Variants in SLC14A2 observed in about 807,000 individuals in gnomAD.
The protein encoded by SLC14A2 is solute carrier family 14 member 2.
A neutral mutation model predicts 104.6 loss-of-function variants in SLC14A2; 91 were observed. That is an observed-to-expected ratio of 0.87 (90% CI 0.73 to 1.04). The LOEUF (loss-of-function observed/expected upper bound fraction) is 1.04, where lower values mean the gene tolerates loss of function less well. SLC14A2 is among the 50% of genes least tolerant of loss of function. The pLI is 0.00. For synonymous variants in SLC14A2, 476 were observed against 466.4 expected, an observed-to-expected ratio of 1.02 and a Z score of -0.27; for missense variants, 1,189 against 1,156.0, an observed-to-expected ratio of 1.03 and a Z score of -0.41.
chr18:45,545,940 C>T (rs570940753), intron 2 of SLC14A2, among the ~76,000 whole-genome samples: 38 of 152,218 alleles, frequency 2.5e-4, no homozygotes, highest in African/African-American at 8.9e-4. Context: ...CGTTTATTTG[C>T]ACTCATATAC....
intron 1 of SLC14A2, among the ~76,000 whole-genome samples, chr18:45,334,069 G>A (rs550087249): frequency 6.6e-6 from 1 of 152,300 alleles, no homozygotes; most frequent in Admixed American, 6.5e-5. Flanking sequence ...TATTTGTTCA[G>A]CATCCTATTC....
intron 1 of SLC14A2, among the ~76,000 whole-genome samples, chr18:45,248,072 G>T (rs2084384673): frequency 6.6e-6 from 1 of 152,110 alleles, no homozygotes; most frequent in East Asian, 1.9e-4. Context: ...GAGAGTATAT[G>T]TCAATAATCC....
chr18:45,358,880 T>C (rs1381610496), intron 1 of SLC14A2, among the ~76,000 whole-genome samples: 2 of 152,164 alleles, frequency 1.3e-5, no homozygotes, highest in South Asian at 2.1e-4. Context: ...GCCCAGCCTC[T>C]TTCCCCACAA....
intron 1 of SLC14A2, among the ~76,000 whole-genome samples, chr18:45,367,949 T>C (rs1190162960): frequency 2.0e-5 from 3 of 152,198 alleles, no homozygotes; most frequent in Admixed American, 1.3e-4. Flanking sequence ...CAAAGGCAAA[T>C]CTTGAGCTCA....
At chr18:45,289,646 C>T (rs1417357688) in intron 1 of SLC14A2, among the ~76,000 whole-genome samples, 1 of 152,150 alleles carries the variant, frequency 6.6e-6, no homozygotes, top group African/African-American at 2.4e-5. Context: ...ACTCCTTTGG[C>T]ATCCTATGTG....
At chr18:45,637,293 C>G (rs1207812986) in intron 6 of SLC14A2, 111 bp downstream of exon 6, 1 of 808,546 alleles carries the variant, frequency 1.2e-6, no homozygotes, top group African/African-American at 1.7e-5. Context: ...ACATCTATAC[C>G]AGATGATGGG....
chr18:45,442,822 G>T (rs2086701399), intron 1 of SLC14A2, among the ~76,000 whole-genome samples: 1 of 152,118 alleles, frequency 6.6e-6, no homozygotes, highest in Non-Finnish European at 1.5e-5. Flanking sequence ...ATTTGCTAAA[G>T]ATTTATCTTT....
intron 1 of SLC14A2, among the ~76,000 whole-genome samples, chr18:45,261,555 C>T (rs1339981200): frequency 1.3e-5 from 2 of 151,678 alleles, no homozygotes; most frequent in African/African-American, 2.4e-5. Context: ...CTATCCCTCC[C>T]CTCTCCCCCA....
At chr18:45,592,709 C>T (rs1029446262) in intron 2 of SLC14A2, among the ~76,000 whole-genome samples, 9 of 152,224 alleles carry the variant, frequency 5.9e-5, no homozygotes, top group African/African-American at 1.9e-4. Flanking sequence ...GTCTGGCTGT[C>T]TCTGGCAATG....
intron 2 of SLC14A2, among the ~76,000 whole-genome samples, chr18:45,578,845 C>CAATTT (rs2044450810): frequency 6.6e-6 from 1 of 152,172 alleles, no homozygotes; most frequent in Non-Finnish European, 1.5e-5. Context: ...CTTAAAACTA[C>CAATTT]AATTTATTTA....
chr18:45,214,172 G>A (rs1232277919), intron 1 of SLC14A2, among the ~76,000 whole-genome samples: 1 of 152,146 alleles, frequency 6.6e-6, no homozygotes, highest in Non-Finnish European at 1.5e-5. Flanking sequence ...TAAGTAGATT[G>A]TTTTACTCTT....
the SLC14A2 span, among the ~76,000 whole-genome samples, chr18:45,207,520 G>T: frequency 2.0e-4 from 31 of 152,200 alleles, no homozygotes; most frequent in African/African-American, 7.0e-4. Context: ...TGTGCATATG[G>T]GTGTGTGGCA....
At chr18:45,470,761 T>G (rs1207624907) in intron 1 of SLC14A2, among the ~76,000 whole-genome samples, 1 of 152,140 alleles carries the variant, frequency 6.6e-6, no homozygotes, top group Non-Finnish European at 1.5e-5. Context: ...TAATTAATCA[T>G]GATGATGACG....
intron 1 of SLC14A2, among the ~76,000 whole-genome samples, chr18:45,312,622 C>T (rs2085090176): frequency 2.0e-5 from 3 of 152,254 alleles, no homozygotes; most frequent in Admixed American, 2.0e-4. Flanking sequence ...AGTTTGTTCC[C>T]TTCATAAATA....
chr18:45,272,796 G>A (rs2084664170), intron 1 of SLC14A2, among the ~76,000 whole-genome samples: 1 of 152,032 alleles, frequency 6.6e-6, no homozygotes, highest in African/African-American at 2.4e-5. Flanking sequence ...AATGCTTGAG[G>A]GGATGGATAC....
At chr18:45,197,277 C>A in the SLC14A2 span, among the ~76,000 whole-genome samples, 1 of 152,138 alleles carries the variant, frequency 6.6e-6, no homozygotes, top group African/African-American at 2.4e-5. Context: ...TGTTCTATCT[C>A]AAAAACCTGT....
At chr18:45,408,108 A>C (rs1008592812) in intron 1 of SLC14A2, among the ~76,000 whole-genome samples, 4 of 152,174 alleles carry the variant, frequency 2.6e-5, no homozygotes, top group African/African-American at 9.7e-5. Context: ...GTAATACCTA[A>C]GTCAGGTTGA....
At chr18:45,456,071 G>A (rs2086938597) in intron 1 of SLC14A2, among the ~76,000 whole-genome samples, 2 of 152,134 alleles carry the variant, frequency 1.3e-5, no homozygotes, top group Non-Finnish European at 2.9e-5. Context: ...TTACTCTGGG[G>A]GCTCACCTGT....
chr18:45,571,566 C>T (rs966110123), intron 2 of SLC14A2, among the ~76,000 whole-genome samples: 5 of 152,344 alleles, frequency 3.3e-5, no homozygotes, highest in African/African-American at 9.6e-5. Flanking sequence ...AATCAGACAA[C>T]GTCTTTAAAG....
Sources: gnomAD v4.1 joint callset for allele counts (sites outside exome capture counted in the v4.1 genomes callset) on GRCh38, gnomAD v4.1.1 for gene constraint, MANE v1.5 for transcripts, NCBI Gene and HGNC (gene_info 2026-07-23, HGNC 2026-07-21) for gene names.